Variants in RELL1 observed in about 807,000 individuals in gnomAD.
The protein encoded by RELL1 is RELT-like protein 1.
In RELL1, 10 loss-of-function variants were observed where a neutral mutation model predicts 23.0. That is an observed-to-expected ratio of 0.43 (90% confidence interval 0.27 to 0.74). The LOEUF (loss-of-function observed/expected upper bound fraction) is 0.74, where lower values mean the gene tolerates loss of function less well. Ranked by LOEUF, RELL1 falls within the 30% of genes least tolerant of loss-of-function variation. The pLI is 0.19. For synonymous variants in RELL1, 146 were observed against 146.8 expected (o/e 0.99, Z 0.04); for missense variants, 315 against 364.4 (o/e 0.86, Z 1.10).
At chr4:37,662,096 G>A (rs1162027161) in intron 1 of RELL1, among the ~76,000 whole-genome samples, 1 of 152,078 alleles carries the variant, frequency 6.6e-6, no homozygotes, top group Non-Finnish European at 1.5e-5. Context: ...CATGAGCCCT[G>A]GAGTCTGATT....
chr4:37,602,176 C>T (rs914704334), intron 6 of RELL1, among the ~76,000 whole-genome samples: 3 of 139,302 alleles, frequency 2.2e-5, no homozygotes, highest in African/African-American at 8.0e-5. Context: ...ATGATTGTGC[C>T]ACTGCATTCA....
chr4:37,664,765 T>C (rs549470193), intron 1 of RELL1, among the ~76,000 whole-genome samples: 1 of 152,222 alleles, frequency 6.6e-6, no homozygotes, highest in East Asian at 1.9e-4. Context: ...AATATCATCA[T>C]TCTGTAAATA....
At chr4:37,604,934 GAC>G (rs200537025) in intron 6 of RELL1, among the ~76,000 whole-genome samples, 1 of 116,506 alleles carries the variant, frequency 8.6e-6, no homozygotes, top group African/African-American at 3.6e-5. Context: ...CACACACACA[GAC>G]ACACACATAC....
intron 6 of RELL1, among the ~76,000 whole-genome samples, chr4:37,604,002 C>G (rs1027866340): frequency 6.6e-6 from 1 of 152,106 alleles, no homozygotes; most frequent in African/African-American, 2.4e-5. Flanking sequence ...TTGTATTTTT[C>G]AAAGAGTCAG....
intron 6 of RELL1, among the ~76,000 whole-genome samples, chr4:37,622,266 C>T (rs1026174336): frequency 1.3e-5 from 2 of 152,144 alleles, no homozygotes; most frequent in Admixed American, 6.6e-5. Flanking sequence ...AAAGGAGGGG[C>T]TTTATATACA....
At chr4:37,635,954 G>A (rs17577550) in intron 4 of RELL1, among the ~76,000 whole-genome samples, 10,912 of 152,270 alleles carry the variant, frequency 0.072, 488 homozygotes, top group East Asian at 0.16. Flanking sequence ...CAAAAGTGAT[G>A]TTCAAAACAG....
chr4:37,596,812 G>A (rs1468949535), intron 6 of RELL1, among the ~76,000 whole-genome samples: 14 of 129,470 alleles, frequency 1.1e-4, no homozygotes, highest in East Asian at 4.9e-4. Flanking sequence ...GCAATGGCAC[G>A]ATCTTGGCTC....
intron 4 of RELL1, among the ~76,000 whole-genome samples, chr4:37,636,902 C>T (rs1038536040): frequency 6.6e-6 from 1 of 152,174 alleles, no homozygotes; most frequent in Admixed American, 6.5e-5. Context: ...GTTGAGGAGA[C>T]CGCCTCAAAC....
chr4:37,678,762 C>T (rs1465497), intron 1 of RELL1, among the ~76,000 whole-genome samples: 139,263 of 152,322 alleles, frequency 0.91, 64,071 homozygotes, highest in Non-Finnish European at 0.98. Context: ...ATAACTGACA[C>T]AACAATGCTA....
downstream of RELL1, among the ~76,000 whole-genome samples, chr4:37,606,953 C>T (rs921350371): frequency 8.5e-5 from 13 of 152,182 alleles, no homozygotes; most frequent in African/African-American, 2.4e-4. The surrounding 1 kb of genome is among the most constrained non-coding windows in gnomAD (Gnocchi z 4.1). Context: ...ATTGACATCA[C>T]GGGTAATATG....
At chr4:37,610,370 C>T (rs1719336366), downstream of RELL1, among the ~76,000 whole-genome samples, 1 of 152,098 alleles carries the variant, frequency 6.6e-6, no homozygotes, top group Non-Finnish European at 1.5e-5. This position sits in a 1 kb window ranked among gnomAD's most constrained non-coding sequence, Gnocchi z 4.1. Context: ...CCAAAAAGCT[C>T]ATGTGGCTGG....
chr4:37,587,128 C>G (rs1718378385), downstream of RELL1, among the ~76,000 whole-genome samples: 1 of 152,090 alleles, frequency 6.6e-6, no homozygotes. Flanking sequence ...TTGTGACCTC[C>G]TTGCTCCAAT....
At chr4:37,666,641 T>C (rs1721542192) in intron 1 of RELL1, among the ~76,000 whole-genome samples, 1 of 152,092 alleles carries the variant, frequency 6.6e-6, no homozygotes, top group Non-Finnish European at 1.5e-5. Context: ...AGGAATCACA[T>C]GAGCTGGGCT....
rs768816013 is a variant in RELL1, at chr4:37,649,498, T to G, written c.91A>C (p.Asn31His). The change falls in exon 2 of 7, where the codon AAT becomes CAT. Residue 31 changes from asparagine (N) to histidine (H), a missense_variant and splice_region_variant. By Grantham distance (68) the Asn-to-His change is moderately conservative. Transcript: ENST00000454158. ...AVSSPLVAPD[N>H]GSSRTLHSRT... ...GAGTGCAATGTGCGGCTGCTCCCATTGTCTACAGAAAGAAACATGCATGCT... is the reference window on the plus strand; with the variant it reads ...GAGTGCAATGTGCGGCTGCTCCCATGGTCTACAGAAAGAAACATGCATGCT... 1.2e-6 allele frequency: 2 copies of G among 1,612,992 alleles called. No homozygotes were observed. Among genetic ancestry groups the G allele is most frequent in the Non-Finnish European group, 1.7e-6 (2 of 1,179,538 alleles).
chr4:37,668,774 C>T (rs1003161283), intron 1 of RELL1, among the ~76,000 whole-genome samples: 3 of 135,206 alleles, frequency 2.2e-5, no homozygotes, highest in Non-Finnish European at 4.5e-5. Context: ...AAGTGAGGAG[C>T]GCCTCTTCCC....
Position 37,681,973 on chromosome 4 carries a change from GTAA to G in RELL1, c.88+4224_88+4226del, listed in dbSNP as rs369693683. On this transcript the variant is annotated intron_variant, in intron 1 of 6. Transcript: ENST00000454158. ...TTTTCTTACTCAAAAAAATAGTTTA[GTAA>G]TAATAAGCATGGACTTCAAAATCAA... Among the ~76,000 whole-genome samples the G allele has an allele frequency of 4.3e-4, 65 of 152,278 alleles. No homozygotes were observed. The East Asian group carries it at 6.0e-3, about 14-fold the overall frequency.
At chr4:37,668,772 AG>A (rs758230629) in intron 1 of RELL1, among the ~76,000 whole-genome samples, 1,551 of 128,134 alleles carry the variant, frequency 0.012, 16 homozygotes, top group Middle Eastern at 0.038. Flanking sequence ...GGAAGTGAGG[AG>A]CGCCTCTTCC....
In RELL1 at chr4:37,597,995, G is replaced by A. The variant is rs368424156; in HGVS notation, c.*4-6778C>T. Among the ~76,000 whole-genome samples the A allele has an allele frequency of 3.5e-3, 529 of 150,754 alleles. 2 individuals carry two copies. Among genetic ancestry groups the A allele is most frequent in the African/African-American group, 0.012 (508 of 41,152 alleles). On this transcript the variant is annotated intron_variant, in intron 6 of 6. Transcript: ENST00000314117. ...GAACCCAGGAGGCAGAGGTTGCAGT[G>A]AGCTGAGATCGTGCTGGTGCACTCC...
At chr4:37,662,490 G>C (rs1032430281) in intron 1 of RELL1, among the ~76,000 whole-genome samples, 1 of 151,882 alleles carries the variant, frequency 6.6e-6, no homozygotes, top group African/African-American at 2.4e-5. Flanking sequence ...CAGGCAGGAG[G>C]CTGGGGCACT....
Sources: gnomAD v4.1 joint callset for allele counts (sites outside exome capture counted in the v4.1 genomes callset) on GRCh38, gnomAD v4.1.1 for gene constraint, Gnocchi (gnomAD v3.1) non-coding constraint, MANE v1.5 for transcripts, NCBI Gene and HGNC (gene_info 2026-07-23, HGNC 2026-07-21) for gene names.